GPR137B: variants seen among roughly 807,000 people sequenced by gnomAD.
GPR137B encodes integral membrane protein GPR137B.
GPR137B carries 42 observed loss-of-function variants against 42.5 expected under a neutral mutation model. The ratio of observed to expected loss-of-function variants is 0.99; its 90% CI spans 0.77 to 1.28. GPR137B has a LOEUF of 1.28. Among genes scored for constraint, GPR137B ranks in the 50% most tolerant of loss-of-function variants. GPR137B has a pLI of 0.00. For synonymous variants in GPR137B, 218 were observed against 209.7 expected, an observed-to-expected ratio of 1.04 and a Z score of -0.34; for missense variants, 487 against 493.9, an observed-to-expected ratio of 0.99 and a Z score of 0.13.
intron 5 of GPR137B, among the ~76,000 whole-genome samples, chr1:236,195,360 G>A (rs999037132): frequency 1.3e-5 from 2 of 152,010 alleles, no homozygotes; most frequent in Non-Finnish European, 2.9e-5. Flanking sequence ...GAGAACATGC[G>A]ATGTTTGTCT....
intron 2 of GPR137B, among the ~76,000 whole-genome samples, chr1:236,172,809 T>C (rs980492084): frequency 1.3e-5 from 2 of 151,726 alleles, no homozygotes; most frequent in African/African-American, 4.8e-5. Flanking sequence ...CTCTGCTTCC[T>C]GAGTAGCTGG....
chr1:236,191,576 G>A (rs574332916), intron 5 of GPR137B, among the ~76,000 whole-genome samples: 12 of 152,188 alleles, frequency 7.9e-5, no homozygotes, highest in Non-Finnish European at 1.2e-4. Context: ...TCTAACAGTC[G>A]GACCCCTCTG....
At chr1:236,181,709 A>G (rs1307341633) in intron 4 of GPR137B, among the ~76,000 whole-genome samples, 1 of 152,106 alleles carries the variant, frequency 6.6e-6, no homozygotes, top group Non-Finnish European at 1.5e-5. Flanking sequence ...ACATCTCTGA[A>G]CCCAAACCAA....
At position 236,155,062 on chromosome 1, in the gene GPR137B, A is replaced by AG. The variant is rs1039176562; in HGVS notation, c.414+12027dup. Among the ~76,000 whole-genome samples, 17 of 152,210 alleles carry AG rather than the reference A, an allele frequency of 1.1e-4. No homozygotes were observed. The highest frequency in any genetic ancestry group is 3.9e-4 in the African/African-American group (16 of 41,468). Reference sequence around the variant, plus strand: ...GCCCTTGTCATTCCCAAGGCCAAAGAGAGAGAATCCTGCCAGGGAGGCAGG... The same window carrying AG: ...GCCCTTGTCATTCCCAAGGCCAAAGAGGAGAGAATCCTGCCAGGGAGGCAGG... On this transcript the variant is annotated intron_variant, in intron 1 of 6. Coordinates refer to ENST00000366592, the MANE Select transcript of GPR137B (RefSeq NM_003272.4). This position sits in a 1 kb window ranked among gnomAD's most constrained non-coding sequence, Gnocchi z 4.6.
intron 1 of GPR137B, among the ~76,000 whole-genome samples, chr1:236,160,545 G>T (rs565193035): frequency 6.1e-4 from 92 of 151,776 alleles, no homozygotes; most frequent in Non-Finnish European, 1.0e-3. Flanking sequence ...CCTTCTGTCT[G>T]TCCACAAGCA....
At chr1:236,192,636 C>A (rs371699394) in intron 5 of GPR137B, among the ~76,000 whole-genome samples, 1 of 152,036 alleles carries the variant, frequency 6.6e-6, no homozygotes, top group Admixed American at 6.5e-5. Flanking sequence ...GGCGACACCC[C>A]ACCCTGCTTC....
At chr1:236,179,330 CTT>C (rs1266584504) in intron 3 of GPR137B, among the ~76,000 whole-genome samples, 2 of 152,172 alleles carry the variant, frequency 1.3e-5, no homozygotes, top group Non-Finnish European at 2.9e-5. Flanking sequence ...TTTTAACTGT[CTT>C]TGGAAATTGA....
chr1:236,197,040 ATC>A (rs1365856612), intron 5 of GPR137B, among the ~76,000 whole-genome samples: 12 of 152,288 alleles, frequency 7.9e-5, no homozygotes, highest in African/African-American at 2.9e-4. Flanking sequence ...CCATGCCAAC[ATC>A]TGTTATTTTT....
chr1:236,186,813 T>C (rs1388932089), intron 5 of GPR137B, among the ~76,000 whole-genome samples: 1 of 152,198 alleles, frequency 6.6e-6, no homozygotes, highest in East Asian at 1.9e-4. Context: ...TGCATGTACA[T>C]GTGCATGTGT....
intron 5 of GPR137B, among the ~76,000 whole-genome samples, chr1:236,192,888 CTTTT>C (rs1206966880): frequency 4.7e-5 from 6 of 127,632 alleles, no homozygotes; most frequent in African/African-American, 2.2e-4. Context: ...TCATTTCAAG[CTTTT>C]TTTGTTTGTT....
chr1:236,192,598 T>C (rs1471032776), intron 5 of GPR137B, among the ~76,000 whole-genome samples: 1 of 151,958 alleles, frequency 6.6e-6, no homozygotes, highest in African/African-American at 2.4e-5. Context: ...GGGAGAAAAT[T>C]CCCTGACTCC....
chr1:236,184,771 T>G (rs960503589), intron 5 of GPR137B, among the ~76,000 whole-genome samples: 10 of 129,572 alleles, frequency 7.7e-5, no homozygotes, highest in Non-Finnish European at 1.2e-4. Flanking sequence ...TGCTTTTTGG[T>G]TTTTTTTTCT....
chr1:236,207,983 T>C, intron 6 of GPR137B, 67 bp from the exon 7 acceptor site: 1 of 1,171,930 alleles, frequency 8.5e-7, no homozygotes, highest in Non-Finnish European at 1.2e-6. Flanking sequence ...TCTGTCTACC[T>C]AAACTAGACT....
Position 236,164,886 on chromosome 1 carries a change from A to AAGAG in GPR137B, c.415-3788_415-3785dup, listed in dbSNP as rs10581092. On this transcript the variant is annotated intron_variant, in intron 1 of 6. Transcript: ENST00000366592. ...GCTTGAATAGTGCCCAGATGAATTC[A>AAGAG]AGAGAGAGAGAGAGAGAGAGAGAGA... Among the ~76,000 whole-genome samples the AAGAG allele has an allele frequency of 7.2e-3, 1,040 of 143,950 alleles. 6 individuals carry two copies. The highest frequency in any genetic ancestry group is 0.014 in the African/African-American group (554 of 39,740). 94.4% of individuals were successfully genotyped at this position (143,950 alleles called of 152,430 possible). A position where few individuals can be genotyped will look rare whatever the true frequency, so the allele number is the denominator to read the frequency against.
At chr1:236,173,338 G>A (rs79235615) in intron 2 of GPR137B, among the ~76,000 whole-genome samples, 4,656 of 149,070 alleles carry the variant, frequency 0.031, 108 homozygotes, top group Middle Eastern at 0.062. Context: ...AAGGGAGGGA[G>A]GGAAAGAGAG....
At chr1:236,167,530 G>A (rs1026358727) in intron 1 of GPR137B, among the ~76,000 whole-genome samples, 2 of 152,230 alleles carry the variant, frequency 1.3e-5, no homozygotes, top group African/African-American at 4.8e-5. Flanking sequence ...GGTGCGGCAG[G>A]AGAATGGAGA....
At chr1:236,192,385 A>C (rs1393661272) in intron 5 of GPR137B, among the ~76,000 whole-genome samples, 4 of 151,884 alleles carry the variant, frequency 2.6e-5, no homozygotes, top group South Asian at 2.1e-4. Flanking sequence ...GGAAAAAAAA[A>C]AAAACAAAAA....
At chr1:236,184,840 C>G (rs1271642702) in intron 5 of GPR137B, among the ~76,000 whole-genome samples, 1 of 152,058 alleles carries the variant, frequency 6.6e-6, no homozygotes, top group Non-Finnish European at 1.5e-5. Context: ...GATCTCAGCT[C>G]ACTGCAACCT....
intron 4 of GPR137B, among the ~76,000 whole-genome samples, chr1:236,180,891 A>G (rs1004350559): frequency 6.6e-6 from 1 of 152,202 alleles, no homozygotes; most frequent in Non-Finnish European, 1.5e-5. Context: ...TGCTAGGATT[A>G]CAGGCGTAAG....
Sources: allele counts gnomAD v4.1 joint callset (sites outside exome capture counted in the v4.1 genomes callset), GRCh38; gene constraint gnomAD v4.1.1; non-coding constraint Gnocchi (gnomAD v3.1); transcripts MANE v1.5; gene names NCBI Gene and HGNC (gene_info 2026-07-23, HGNC 2026-07-21).